The following SF3B2 variants were observed in gnomAD, a reference collection of about 807,000 sequenced individuals.
SF3B2 encodes the protein splicing factor 3b subunit 2.
SF3B2 carries 22 observed loss-of-function variants against 116.3 expected under a neutral mutation model. The observed-to-expected ratio is 0.19, with a 90% confidence interval of 0.14 to 0.27. The LOEUF (loss-of-function observed/expected upper bound fraction) is 0.27, where lower values mean the gene tolerates loss of function less well. Among genes scored for constraint, SF3B2 ranks in the 10% least tolerant of loss-of-function variants. The pLI is 1.00. For synonymous variants in SF3B2, 406 were observed against 421.6 expected, an observed-to-expected ratio of 0.96 and a Z score of 0.45; for missense variants, 767 against 1,151.4, an observed-to-expected ratio of 0.67 and a Z score of 4.83.
At chr11:66,062,900 C>T (rs1218167312) in intron 16 of SF3B2, 109 bp from the exon 17 acceptor site, 6 of 566,354 alleles carry the variant, frequency 1.1e-5, no homozygotes, top group African/African-American at 1.9e-5. Context: ...GTCATAATTT[C>T]CGGAGTTCCC....
chr11:66,060,698 A>G lies in SF3B2; in HGVS notation c.1746A>G (p.Pro582=). 6.2e-7 allele frequency: 1 copy of G among 1,614,194 alleles called. No homozygotes were observed. Among genetic ancestry groups the G allele is most frequent in the Non-Finnish European group, 8.5e-7 (1 of 1,180,026 alleles). ...CCTTCTTCAAGTGGCAGACCAAGCC[A>G]AAGCTGACCATCCATGGGGACCTGT... ...HDAFFKWQTK[P]KLTIHGDLYY... Residue 582 remains proline (P), a synonymous_variant, in exon 14 of 22, where the codon CCA becomes CCG. Transcript: ENST00000322535.
At chr11:66,067,287 G>C in intron 19 of SF3B2, 1 of 404,540 alleles carries the variant, frequency 2.5e-6, no homozygotes, top group Non-Finnish European at 4.9e-6. Flanking sequence ...TCATGGTAAG[G>C]AGTTTGGATT....
Position 66,069,171 on chromosome 11 carries a change from C to G in SF3B2, c.*426C>G. On this transcript the variant is annotated 3_prime_UTR_variant, in exon 22 of 22. Coordinates refer to ENST00000322535, the MANE Select transcript of SF3B2 (RefSeq NM_006842.3). ...TGGGGAGTAAAAATAGCCAGATTAG[C>G]GCCCTAGCGCGGCAGAGGAAGTAAC... is the stretch of plus-strand genomic sequence containing the variant. 2.8e-6 allele frequency: 1 copy of G among 352,890 alleles called. No individual in the cohort carries two copies. The highest frequency in any genetic ancestry group is 2.1e-5 in the South Asian group (1 of 47,244). The allele number at this position is 352,890 out of a possible 1,614,324, so 21.9% of individuals were successfully genotyped here.
Position 66,068,843 on chromosome 11 carries a change from A to C in SF3B2, c.*98A>C. On this transcript the variant is annotated 3_prime_UTR_variant, in exon 22 of 22. Transcript: ENST00000322535. ...GCAGTTCCCAAGGACTTGTCATTTC[A>C]TGTTCTTATTTTAGACCTGTTTTGT... The C allele has an allele frequency of 3.1e-6, 3 of 959,892 alleles. No individual in the cohort carries two copies. Among genetic ancestry groups the C allele is most frequent in the Middle Eastern group, 2.2e-4 (1 of 4,612 alleles). The allele number at this position is 959,892 out of a possible 1,614,324, so 59.5% of individuals were successfully genotyped here. A position where few individuals can be genotyped will look rare whatever the true frequency, so the allele number is the denominator to read the frequency against.
intron 19 of SF3B2, 134 bp from the exon 20 acceptor site, chr11:66,067,812 C>T (rs1323082544): frequency 1.4e-6 from 1 of 696,180 alleles, no homozygotes; most frequent in Non-Finnish European, 2.5e-6. Context: ...GGCAGAACTG[C>T]AGAGGCTGCA....
At chr11:66,054,633 C>T (rs940499749) in intron 3 of SF3B2, among the ~76,000 whole-genome samples, 4 of 152,126 alleles carry the variant, frequency 2.6e-5, no homozygotes, top group Admixed American at 6.5e-5. Context: ...ACACCCCTTG[C>T]GTTTAGTAGT....
At position 66,061,770 on chromosome 11, in the gene SF3B2, G is replaced by A; in HGVS notation, c.1864G>A (p.Gly622Arg). Residue 622 changes from glycine to arginine, a missense_variant, in exon 15 of 22, where the codon GGA becomes AGA. Around this residue, in one of 4 missense-constraint regions of SF3B2, gnomAD observed 282 missense variants for 568.0 expected, o/e 0.50. Transcript: ENST00000322535. Reference protein sequence around the residue: ...ELRISLGMPVGPNAHKVPPPW... With the variant: ...ELRISLGMPVRPNAHKVPPPW... ...AAGGATTTCCTTGGGGATGCCAGTA[G>A]GACCAGTGAGTGTCAGTTAGCTGTC... The A allele has an allele frequency of 6.2e-7, 1 of 1,613,782 alleles. No homozygotes were observed. The highest frequency in any genetic ancestry group is 8.5e-7 in the Non-Finnish European group (1 of 1,179,616).
In SF3B2 at chr11:66,068,998, C is replaced by T. The variant is rs1215551088; in HGVS notation, c.*253C>T. Reference sequence around the variant, plus strand: ...TACAATCACTGGGCTGCCCCAGTAACCACGAACATAAACTGGGATTAGACG... The same window carrying T: ...TACAATCACTGGGCTGCCCCAGTAATCACGAACATAAACTGGGATTAGACG... On this transcript the variant is annotated 3_prime_UTR_variant, in exon 22 of 22. Coordinates refer to ENST00000322535, the MANE Select transcript of SF3B2 (RefSeq NM_006842.3). 5 of 476,620 alleles carry T rather than the reference C, an allele frequency of 1.0e-5. No individual in the cohort carries two copies. The highest frequency in any genetic ancestry group is 3.9e-5 in the African/African-American group (2 of 51,520). The allele number at this position is 476,620 out of a possible 1,614,324, so 29.5% of individuals were successfully genotyped here. A position where few individuals can be genotyped will look rare whatever the true frequency, so the allele number is the denominator to read the frequency against.
chr11:66,068,235 A>G lies in SF3B2; in HGVS notation c.2518A>G (p.Met840Val). 1 of 1,614,192 alleles carries G rather than the reference A, an allele frequency of 6.2e-7. No individual in the cohort carries two copies. The highest frequency in any genetic ancestry group is 8.5e-7 in the Non-Finnish European group (1 of 1,180,044). ...AGAGTTGGAGCTGGATCCTATGGCCATGACCCAGAAGTATGAGGAGCATGT... is the reference window on the plus strand; with the variant it reads ...AGAGTTGGAGCTGGATCCTATGGCCGTGACCCAGAAGTATGAGGAGCATGT... ...PEELELDPMA[M>V]TQKYEEHVRE... is the part of the protein sequence containing the mutation. Residue 840 changes from methionine to valine, a missense_variant, in exon 21 of 22, where the codon ATG (methionine) becomes GTG (valine). Coordinates refer to ENST00000322535, the MANE Select transcript of SF3B2 (RefSeq NM_006842.3).
Position 66,059,799 on chromosome 11 carries a change from T to C in SF3B2, c.1419T>C (p.Asp473=). 6.2e-7 allele frequency: 1 copy of C among 1,614,214 alleles called. No homozygotes were observed. Among genetic ancestry groups the C allele is most frequent in the African/African-American group, 1.3e-5 (1 of 75,052 alleles). The part of the protein sequence containing the change: ...AELKQLVARP[D]VVEMHDVTAQ... Reference sequence around the variant, plus strand: ...TTTTCCAGCTGGTGGCTCGGCCCGATGTCGTGGAGATGCACGATGTGACAG... The same window carrying C: ...TTTTCCAGCTGGTGGCTCGGCCCGACGTCGTGGAGATGCACGATGTGACAG... Residue 473 remains aspartate (D), a synonymous_variant, in exon 13 of 22, where the codon GAT becomes GAC. Coordinates refer to ENST00000322535, the MANE Select transcript of SF3B2 (RefSeq NM_006842.3). The surrounding 1 kb of genome is among the most constrained non-coding windows in gnomAD (Gnocchi z 5.0).
chr11:66,065,447 A>C (rs752267453), intron 19 of SF3B2: 3 of 152,248 alleles, frequency 2.0e-5, no homozygotes, highest in Non-Finnish European at 4.4e-5. Flanking sequence ...GCCTTGGTGT[A>C]GTTTCTGAAT....
In SF3B2 at chr11:66,059,644, A is replaced by G; in HGVS notation, c.1401+49A>G. On this transcript the variant is annotated intron_variant, in intron 12 of 21. Transcript: ENST00000322535. The surrounding 1 kb of genome is among the most constrained non-coding windows in gnomAD (Gnocchi z 5.0). ...GGCCCTGGAGCCCAGCTGGGAGACC[A>G]CCTGGGGAGCCAGGGAGGTGAAAAG... is the stretch of plus-strand genomic sequence containing the variant. The G allele has an allele frequency of 6.3e-7, 1 of 1,599,930 alleles. No individual in the cohort carries two copies. Among genetic ancestry groups the G allele is most frequent in the Non-Finnish European group, 8.6e-7 (1 of 1,167,220 alleles).
At chr11:66,067,914 C>T (rs1249442436) in intron 19 of SF3B2, 32 bp from the exon 20 acceptor site, 1 of 1,588,572 alleles carries the variant, frequency 6.3e-7, no homozygotes, top group Non-Finnish European at 8.6e-7. Flanking sequence ...TTGTCCCTTG[C>T]TTTTTGGGCC....
chr11:66,057,932 A>G (rs1316397615), intron 7 of SF3B2, 122 bp from the exon 8 acceptor site: 2 of 716,480 alleles, frequency 2.8e-6, no homozygotes, highest in Non-Finnish European at 4.5e-6. Flanking sequence ...AGATCGCGCC[A>G]TTGCACTCCA....
intron 5 of SF3B2, among the ~76,000 whole-genome samples, chr11:66,056,217 C>T (rs867895888): frequency 2.0e-5 from 3 of 151,926 alleles, no homozygotes; most frequent in Non-Finnish European, 4.4e-5. Flanking sequence ...GCCTGGCCAA[C>T]ATAATGAAAC....
In SF3B2 at chr11:66,057,991, GAAAGAAAAAAA is replaced by G. The variant is rs1447596446; in HGVS notation, c.778-53_778-43del. On this transcript the variant is annotated intron_variant, in intron 7 of 21. Transcript: ENST00000322535. ...CCGTCTCAAAAAAAAAAAAAAGAAAGAAAGAAAAAAAAAAGAAAAAGGGCACTGTGATTTGC... is the reference window on the plus strand; with the variant it reads ...CCGTCTCAAAAAAAAAAAAAAGAAAGAAAGAAAAAGGGCACTGTGATTTGC... The G allele has an allele frequency of 7.7e-6, 9 of 1,168,080 alleles. No individual in the cohort carries two copies. In the African/African-American group the frequency reaches 1.5e-4, roughly 19 times the overall value. 72.4% of individuals were successfully genotyped at this position (1,168,080 alleles called of 1,614,324 possible).
intron 16 of SF3B2, 40 bp downstream of exon 16, chr11:66,062,038 T>A: frequency 3.5e-6 from 5 of 1,437,996 alleles, no homozygotes; most frequent in Non-Finnish European, 4.8e-6. Context: ...CCATTTCTGC[T>A]TTTGAACTGG....
intron 16 of SF3B2, 24 bp from the exon 17 acceptor site, chr11:66,062,985 C>T: frequency 1.9e-6 from 3 of 1,551,000 alleles, no homozygotes; most frequent in Non-Finnish European, 2.7e-6. Context: ...AAGGAGTGAA[C>T]TGATTGTGCT....
chr11:66,063,183 G>A lies in SF3B2; in HGVS notation c.2085+67G>A, dbSNP rs1857125710. On this transcript the variant is annotated intron_variant, in intron 17 of 21. Coordinates refer to ENST00000322535, the MANE Select transcript of SF3B2 (RefSeq NM_006842.3). ...ATGAAGGTTAGATTGTTGGTTTATA[G>A]CTTCATTATCAGGGAGTTGTGTGTT... The A allele has an allele frequency of 1.6e-5, 20 of 1,262,400 alleles. No homozygotes were observed. In the East Asian group the frequency reaches 4.2e-4, roughly 27 times the overall value. 78.2% of individuals were successfully genotyped at this position (1,262,400 alleles called of 1,614,324 possible).
Sources: allele counts gnomAD v4.1 joint callset (sites outside exome capture counted in the v4.1 genomes callset), GRCh38; gene constraint gnomAD v4.1.1; regional missense constraint gnomAD v4.1.1; non-coding constraint Gnocchi (gnomAD v3.1); transcripts MANE v1.5; gene names NCBI Gene and HGNC (gene_info 2026-07-23, HGNC 2026-07-21).